TNKS: variants seen among roughly 807,000 people sequenced by gnomAD.
TNKS encodes the protein tankyrase.
A neutral mutation model predicts 135.8 loss-of-function variants in TNKS; 72 were observed. The ratio of observed to expected loss-of-function variants is 0.53; its 90% CI spans 0.44 to 0.64. The LOEUF (loss-of-function observed/expected upper bound fraction) is 0.64, where lower values mean the gene tolerates loss of function less well. Among genes scored for constraint, TNKS ranks in the 30% least tolerant of loss-of-function variants. TNKS has a pLI of 0.00. For synonymous variants in TNKS, 849 were observed against 649.3 expected, an observed-to-expected ratio of 1.31 and a Z score of -4.68; for missense variants, 1,769 against 1,674.0, an observed-to-expected ratio of 1.06 and a Z score of -0.99.
chr8:9,727,795 T>G (rs572274147), intron 13 of TNKS, among the ~76,000 whole-genome samples: 126 of 152,340 alleles, frequency 8.3e-4, no homozygotes, highest in African/African-American at 2.9e-3. Flanking sequence ...TGTTTTAATA[T>G]GTGGGCACTT....
chr8:9,559,516 G>A (rs1169614929), intron 1 of TNKS, among the ~76,000 whole-genome samples: 3 of 152,016 alleles, frequency 2.0e-5, no homozygotes. Context: ...GAATCTTGGG[G>A]GCTTTAGTGT....
At chr8:9,729,008 G>C (rs1361081582) in intron 13 of TNKS, among the ~76,000 whole-genome samples, 1 of 152,160 alleles carries the variant, frequency 6.6e-6, no homozygotes. Context: ...TGGAGGCTAG[G>C]AAGTCCAAGA....
intron 5 of TNKS, among the ~76,000 whole-genome samples, chr8:9,687,686 A>C (rs368982514): frequency 2.0e-5 from 3 of 152,146 alleles, no homozygotes; most frequent in African/African-American, 7.2e-5. Flanking sequence ...ATTTACCTCT[A>C]TTTAGCCACT....
Position 9,706,978 on chromosome 8 carries a change from G to T in TNKS, c.1437G>T (p.Glu479Asp). Residue 479 changes from glutamate to aspartate, a missense_variant, in exon 8 of 27, where the codon GAG (glutamate) becomes GAT (aspartate). By Grantham distance (45) the Glu-to-Asp change is conservative. Coordinates refer to ENST00000310430, the MANE Select transcript of TNKS (RefSeq NM_003747.3). The part of the protein sequence containing the change: ...KSAVDMAPTP[E>D]LRERLTYEFK... ...CTGTGGATATGGCTCCAACTCCGGAGCTTAGGGAGAGATTGACTTGTACGT... is the reference window on the plus strand; with the variant it reads ...CTGTGGATATGGCTCCAACTCCGGATCTTAGGGAGAGATTGACTTGTACGT... 1 of 1,598,350 alleles carries T rather than the reference G, an allele frequency of 6.3e-7. No homozygotes were observed.
chr8:9,584,128 C>T (rs1215636902), intron 2 of TNKS, among the ~76,000 whole-genome samples: 9 of 143,870 alleles, frequency 6.3e-5, no homozygotes, highest in African/African-American at 2.3e-4. Flanking sequence ...TACACCACTG[C>T]ACTCCAGTCT....
intron 2 of TNKS, among the ~76,000 whole-genome samples, chr8:9,598,767 A>ATATGTATG (rs1798899283): frequency 3.0e-4 from 1 of 3,342 alleles, no homozygotes; most frequent in Non-Finnish European, 4.9e-4. Context: ...GTGTGTGTGT[A>ATATGTATG]TATATATATA....
chr8:9,609,353 T>A (rs1228642013), intron 2 of TNKS, among the ~76,000 whole-genome samples: 1 of 152,226 alleles, frequency 6.6e-6, no homozygotes, highest in Non-Finnish European at 1.5e-5. Context: ...AGGCTTTAGA[T>A]ATCGTAGACA....
chr8:9,748,433 G>T (rs1335431844), intron 18 of TNKS, among the ~76,000 whole-genome samples: 4 of 152,186 alleles, frequency 2.6e-5, no homozygotes, highest in African/African-American at 7.2e-5. Context: ...TTCTTAGCCT[G>T]CTGGGAAAAC....
At chr8:9,591,953 CT>C (rs1258969565) in intron 2 of TNKS, among the ~76,000 whole-genome samples, 3 of 152,044 alleles carry the variant, frequency 2.0e-5, no homozygotes, top group Non-Finnish European at 2.9e-5. Flanking sequence ...CAAATGCTTT[CT>C]AACAACTTGC....
chr8:9,575,661 A>C (rs890094347), intron 1 of TNKS, among the ~76,000 whole-genome samples: 1 of 152,246 alleles, frequency 6.6e-6, no homozygotes, highest in Non-Finnish European at 1.5e-5. Context: ...ATTAATGTTC[A>C]GAATATGTAA....
chr8:9,597,060 C>T (rs1563104656), intron 2 of TNKS, among the ~76,000 whole-genome samples: 2 of 152,140 alleles, frequency 1.3e-5, no homozygotes, highest in South Asian at 4.1e-4. Flanking sequence ...GAGTATTGTT[C>T]TGGGATAATC....
In TNKS at chr8:9,740,578, A is replaced by G. The variant is rs188840766; in HGVS notation, c.2643+5092A>G. The stretch of plus-strand genomic sequence containing the variant: ...TTTTTGAAAGAAAACTATGCTTCCA[A>G]GTATGATATAAATTAATTGAAAGTA... On this transcript the variant is annotated intron_variant, in intron 17 of 26. Coordinates refer to ENST00000310430, the MANE Select transcript of TNKS (RefSeq NM_003747.3). Among the ~76,000 whole-genome samples, 584 of 152,304 alleles carry G rather than the reference A, an allele frequency of 3.8e-3. 1 individual carries two copies. The highest frequency in any genetic ancestry group is 5.2e-3 in the Non-Finnish European group (354 of 68,022).
At position 9,705,143 on chromosome 8, in the gene TNKS, A is replaced by C. The variant is rs115249877; in HGVS notation, c.1202+386A>C. On this transcript the variant is annotated intron_variant, in intron 6 of 26. Coordinates refer to ENST00000310430, the MANE Select transcript of TNKS (RefSeq NM_003747.3). The stretch of plus-strand genomic sequence containing the variant: ...TCCTTTATTGATAAACCAAAATCAT[A>C]AGTATACAATACCAAATTTTTTTTC... Among the ~76,000 whole-genome samples the C allele has an allele frequency of 4.7e-3, 717 of 152,334 alleles. 8 individuals are homozygous for C. Among genetic ancestry groups the C allele is most frequent in the African/African-American group, 0.017 (697 of 41,576 alleles).
intron 5 of TNKS, among the ~76,000 whole-genome samples, chr8:9,700,815 T>G (rs2128805766): frequency 6.6e-6 from 1 of 152,338 alleles, no homozygotes; most frequent in South Asian, 2.1e-4. Flanking sequence ...TTATTTGAGT[T>G]ATATAAATTT....
rs34982116 is a variant in TNKS at position 9,765,660 on chromosome 8, C to T, written c.3448-32C>T. ...TTTAAATCATAAATGCACGTTTCAC[C>T]GATAATGTTTCTTTCTTCTTCATCC... On this transcript the variant is annotated intron_variant, in intron 23 of 26. Coordinates refer to ENST00000310430, the MANE Select transcript of TNKS (RefSeq NM_003747.3). 43 of 1,547,756 alleles carry T rather than the reference C, an allele frequency of 2.8e-5. No individual in the cohort carries two copies. The East Asian group carries it at 5.2e-4, about 19-fold the overall frequency.
intron 25 of TNKS, among the ~76,000 whole-genome samples, chr8:9,768,037 T>G (rs1233909972): frequency 2.0e-5 from 3 of 151,918 alleles, no homozygotes; most frequent in Non-Finnish European, 4.4e-5. Context: ...TTTTTTTGTT[T>G]GTTTTTTTGC....
chr8:9,625,971 G>T (rs1319735267), intron 3 of TNKS, among the ~76,000 whole-genome samples: 1 of 152,084 alleles, frequency 6.6e-6, no homozygotes, highest in Non-Finnish European at 1.5e-5. Flanking sequence ...CTGATTTTCT[G>T]TCTGGTTGTT....
At position 9,770,612 on chromosome 8, in the gene TNKS, G is replaced by A. The variant is rs1807771905; in HGVS notation, c.3897+350G>A. On this transcript the variant is annotated intron_variant, in intron 26 of 26. Coordinates refer to ENST00000310430, the MANE Select transcript of TNKS (RefSeq NM_003747.3). ...CTGCTGTTAGTGGGTCTTCATGGAT[G>A]TACATGCCACAGGATTTGTCCAAAA... Among the ~76,000 whole-genome samples, 4 of 152,312 alleles carry A rather than the reference G, an allele frequency of 2.6e-5. 1 individual carries two copies. The South Asian group carries it at 8.3e-4, about 32-fold the overall frequency.
chr8:9,596,747 T>C (rs1294279857), intron 2 of TNKS, among the ~76,000 whole-genome samples: 1 of 152,248 alleles, frequency 6.6e-6, no homozygotes, highest in Non-Finnish European at 1.5e-5. Context: ...GTGGTACACA[T>C]AATCATGGCT....
Sources: allele counts gnomAD v4.1 joint callset (sites outside exome capture counted in the v4.1 genomes callset), GRCh38; gene constraint gnomAD v4.1.1; transcripts MANE v1.5; gene names NCBI Gene and HGNC (gene_info 2026-07-23, HGNC 2026-07-21).